Variants in UGT3A1 observed in about 807,000 individuals in gnomAD.
UGT3A1 encodes UDP glycosyltransferase family 3 member A1.
UGT3A1 carries 40 observed loss-of-function variants against 37.6 expected under a neutral mutation model. The observed-to-expected ratio is 1.06, with a 90% confidence interval of 0.83 to 1.38. The LOEUF is 1.38. UGT3A1 is among the 40% of genes most tolerant of loss of function. The pLI is 0.00. For missense variants in UGT3A1, 642 were observed against 634.2 expected, an observed-to-expected ratio of 1.01 and a Z score of -0.13; for synonymous variants, 256 against 232.3, an observed-to-expected ratio of 1.10 and a Z score of -0.93.
intron 4 of UGT3A1, among the ~76,000 whole-genome samples, chr5:35,963,277 C>A (rs1181004710): frequency 3.3e-5 from 5 of 152,204 alleles, no homozygotes; most frequent in Non-Finnish European, 7.3e-5. Flanking sequence ...ATTTGTCCTG[C>A]CCATTTACAT....
intron 1 of UGT3A1, among the ~76,000 whole-genome samples, chr5:35,998,032 A>G (rs1741136573): frequency 6.6e-6 from 1 of 152,220 alleles, no homozygotes; most frequent in South Asian, 2.1e-4. Flanking sequence ...AGGCTATTAC[A>G]GAAACTGGAT....
intron 2 of UGT3A1, among the ~76,000 whole-genome samples, chr5:35,969,353 T>G (rs1293926753): frequency 6.6e-6 from 1 of 152,144 alleles, no homozygotes; most frequent in African/African-American, 2.4e-5. Flanking sequence ...AAGAGATCCT[T>G]CAAACCCAAT....
At chr5:35,956,155 C>A (rs1242807948) in intron 5 of UGT3A1, among the ~76,000 whole-genome samples, 1 of 152,226 alleles carries the variant, frequency 6.6e-6, no homozygotes, top group Non-Finnish European at 1.5e-5. Context: ...TGCAGCCATC[C>A]TTCTCTCTTC....
intron 1 of UGT3A1, among the ~76,000 whole-genome samples, chr5:35,989,770 A>G (rs1358404223): frequency 6.6e-6 from 1 of 152,152 alleles, no homozygotes; most frequent in Non-Finnish European, 1.5e-5. Flanking sequence ...AGAAGTTAAG[A>G]AGCTCTGTTG....
intron 2 of UGT3A1, among the ~76,000 whole-genome samples, chr5:35,977,591 T>C (rs1161958413): frequency 2.0e-5 from 3 of 152,188 alleles, no homozygotes; most frequent in Non-Finnish European, 4.4e-5. Context: ...AGCTCCCCCT[T>C]TGTCTTCTGC....
At chr5:35,970,354 T>G (rs954179833) in intron 2 of UGT3A1, among the ~76,000 whole-genome samples, 3 of 150,052 alleles carry the variant, frequency 2.0e-5, no homozygotes, top group African/African-American at 4.9e-5. Context: ...ATAGCGCCAC[T>G]GCACTCCTGC....
At chr5:35,958,831 C>G (rs1423180221) in intron 4 of UGT3A1, among the ~76,000 whole-genome samples, 1 of 152,228 alleles carries the variant, frequency 6.6e-6, no homozygotes, top group African/African-American at 2.4e-5. Context: ...TTACAACATT[C>G]TAACCTGTCT....
intron 2 of UGT3A1, among the ~76,000 whole-genome samples, chr5:35,973,091 G>C (rs1229364092): frequency 6.6e-6 from 1 of 152,136 alleles, no homozygotes; most frequent in Non-Finnish European, 1.5e-5. Context: ...TGGGGCTATT[G>C]AACCCCTAAC....
At chr5:35,955,148 G>C (rs1340819960) in intron 6 of UGT3A1, 2 of 179,322 alleles carry the variant, frequency 1.1e-5, no homozygotes, top group Non-Finnish European at 2.4e-5. Context: ...ATTATGATTA[G>C]GCTGAGTGGG....
chr5:35,990,493 G>A (rs1740900600), intron 1 of UGT3A1, among the ~76,000 whole-genome samples: 1 of 152,006 alleles, frequency 6.6e-6, no homozygotes, highest in East Asian at 1.9e-4. Context: ...AGAATTAACA[G>A]TCCCATGAAT....
intron 2 of UGT3A1, among the ~76,000 whole-genome samples, chr5:35,976,317 G>C (rs1740266162): frequency 6.6e-6 from 1 of 152,120 alleles, no homozygotes; most frequent in Non-Finnish European, 1.5e-5. Context: ...GAGTTAGTTT[G>C]CATTATAGAA....
chr5:35,962,391 G>T (rs1176715078), intron 4 of UGT3A1: 1 of 153,924 alleles, frequency 6.5e-6, no homozygotes, highest in African/African-American at 2.4e-5. Flanking sequence ...TGAGACTGGG[G>T]CTTGTCTAGG....
In UGT3A1 at chr5:35,953,751, A is replaced by G. The variant is rs903729349; in HGVS notation, c.*451T>C. ...TTCCCTAAATGCAGGAGAGCAGACC[A>G]GGTTTCCTGAGCTTTGAGGAGAGCT... On this transcript the variant is annotated 3_prime_UTR_variant, in exon 7 of 7. Coordinates refer to ENST00000274278, the MANE Select transcript of UGT3A1 (RefSeq NM_152404.4). The G allele has an allele frequency of 6.2e-6, 1 of 162,168 alleles. No homozygotes were observed. The highest frequency in any genetic ancestry group is 2.4e-5 in the African/African-American group (1 of 41,590). 10.0% of individuals were successfully genotyped at this position (162,168 alleles called of 1,614,324 possible). A position where few individuals can be genotyped will look rare whatever the true frequency, so the allele number is the denominator to read the frequency against.
chr5:35,993,198 G>A (rs1485481248), upstream of UGT3A1, among the ~76,000 whole-genome samples: 2 of 152,224 alleles, frequency 1.3e-5, no homozygotes, highest in Admixed American at 1.3e-4. Flanking sequence ...AGGCACGGTG[G>A]CTCACGCCTG....
chr5:36,000,076 G>A (rs995611481), intron 1 of UGT3A1, among the ~76,000 whole-genome samples: 5 of 152,146 alleles, frequency 3.3e-5, no homozygotes, highest in Non-Finnish European at 7.3e-5. Context: ...CCTCAGGCCT[G>A]GTGGAGAGGC....
chr5:35,991,043 G>A, intron 1 of UGT3A1, 104 bp downstream of exon 1: 1 of 1,609,112 alleles, frequency 6.2e-7, no homozygotes, highest in Non-Finnish European at 8.5e-7. Context: ...AGCCCAGCCT[G>A]GAAAATCGCC....
At chr5:35,970,055 A>AAG (rs1269333716) in intron 2 of UGT3A1, among the ~76,000 whole-genome samples, 1 of 152,042 alleles carries the variant, frequency 6.6e-6, no homozygotes, top group Non-Finnish European at 1.5e-5. Context: ...GCAGCAGGCA[A>AAG]AGAGAGAGAG....
chr5:35,978,834 T>C (rs1005023481), intron 2 of UGT3A1, among the ~76,000 whole-genome samples: 1 of 152,204 alleles, frequency 6.6e-6, no homozygotes, highest in Non-Finnish European at 1.5e-5. Flanking sequence ...CCCTTCTGCC[T>C]ATGAGCCTGT....
chr5:35,982,519 A>C (rs1740567907), intron 2 of UGT3A1, among the ~76,000 whole-genome samples: 1 of 152,164 alleles, frequency 6.6e-6, no homozygotes, highest in Non-Finnish European at 1.5e-5. Context: ...TGTTTAGGAC[A>C]ATTTCTCCCA....
Sources: allele counts gnomAD v4.1 joint callset (sites outside exome capture counted in the v4.1 genomes callset), GRCh38; gene constraint gnomAD v4.1.1; transcripts MANE v1.5; gene names NCBI Gene and HGNC (gene_info 2026-07-23, HGNC 2026-07-21).